The following MACROH2A1 variants were observed in gnomAD, a reference collection of about 807,000 sequenced individuals.
MACROH2A1 encodes the protein macroH2A.1 histone.
Under a neutral mutation model 31.6 loss-of-function variants are expected in MACROH2A1, and 2 were observed. The observed-to-expected ratio is 0.06, with a 90% CI of 0.03 to 0.20. MACROH2A1 has a LOEUF of 0.20. Among genes scored for constraint, MACROH2A1 ranks in the 10% least tolerant of loss-of-function variants. The pLI is 1.00. For synonymous variants in MACROH2A1, 169 were observed against 189.6 expected (o/e 0.89, Z 0.89); for missense variants, 230 against 474.0 (o/e 0.49, Z 4.78).
intron 7 of MACROH2A1, chr5:135,344,944 C>G (rs1222735273): frequency 1.3e-5 from 2 of 152,206 alleles, no homozygotes; most frequent in African/African-American, 2.4e-5. Context: ...GGGAAAGGAC[C>G]CACAGGCTGG....
chr5:135,366,853 G>A (rs999875290), intron 4 of MACROH2A1, among the ~76,000 whole-genome samples: 1 of 152,152 alleles, frequency 6.6e-6, no homozygotes, highest in African/African-American at 2.4e-5. Context: ...ATAGATGGAG[G>A]TAAATTGAGG....
chr5:135,334,747 G>T lies in MACROH2A1; in HGVS notation c.*229C>A. ...TCCTAGGTTACACTAAGTCAGACAC[G>T]GTCTGGAACACAGTGCTTAACAACA... On this transcript the variant is annotated 3_prime_UTR_variant, in exon 9 of 9. Coordinates refer to ENST00000511689, the MANE Select transcript of MACROH2A1 (RefSeq NM_138610.3). 1 of 455,116 alleles carries T rather than the reference G, an allele frequency of 2.2e-6. No homozygotes were observed. The allele number at this position is 455,116 out of a possible 1,614,324, so 28.2% of individuals were successfully genotyped here.
At chr5:135,387,528 T>C (rs71587571) in intron 2 of MACROH2A1, among the ~76,000 whole-genome samples, 4,022 of 152,308 alleles carry the variant, frequency 0.026, 75 homozygotes, top group Admixed American at 0.049. Flanking sequence ...TCGTCCTTTC[T>C]GGCTGTAGCA....
rs544609775 is a variant in MACROH2A1, at chr5:135,353,228, G to A, written c.589-183C>T. ...AAGACTCAAATGCTGCTCGGGATGC[G>A]GGAGCAAGCAAACTAGGATGAATGT... On this transcript the variant is annotated intron_variant, in intron 5 of 8. Coordinates refer to ENST00000511689, the MANE Select transcript of MACROH2A1 (RefSeq NM_138610.3). The A allele has an allele frequency of 7.5e-5, 42 of 563,018 alleles. No homozygotes were observed. The Admixed American group carries it at 8.9e-4, about 12-fold the overall frequency. 34.9% of individuals were successfully genotyped at this position (563,018 alleles called of 1,614,324 possible).
At chr5:135,383,365 G>T (rs1765916384) in intron 2 of MACROH2A1, among the ~76,000 whole-genome samples, 2 of 152,136 alleles carry the variant, frequency 1.3e-5, no homozygotes, top group Admixed American at 1.3e-4. Context: ...ATTAGACTAA[G>T]GTCTGTCTTT....
rs1762704964 is a variant in MACROH2A1 at position 135,360,519 on chromosome 5, T to C, written c.566A>G (p.Lys189Arg). The C allele has an allele frequency of 6.2e-7, 1 of 1,613,040 alleles. No individual in the cohort carries two copies. The highest frequency in any genetic ancestry group is 2.2e-5 in the East Asian group (1 of 44,876). Residue 189 changes from lysine to arginine, a missense_variant, in exon 5 of 9, where the codon AAG becomes AGG. By Grantham distance (26) the Lys-to-Arg change is conservative. This residue lies in a region of MACROH2A1 where 183 missense variants were observed against 319.3 expected (regional missense o/e 0.57). Transcript: ENST00000511689. ...TACCTTCTGGCCAAGGAAGAGGCTC[T>C]TGGTGGAGAGGACTGTGAAGCCGTC... The part of the protein sequence containing the change: ...PADGFTVLST[K>R]SLFLGQKLNL...
intron 2 of MACROH2A1, among the ~76,000 whole-genome samples, chr5:135,384,251 G>A (rs1246109804): frequency 6.6e-6 from 1 of 152,180 alleles, no homozygotes; most frequent in Non-Finnish European, 1.5e-5. Flanking sequence ...GCAGGGATGG[G>A]TTGTGGCCCT....
At chr5:135,360,645 GAC>G in intron 4 of MACROH2A1, 38 bp from the exon 5 acceptor site, 1 of 1,397,744 alleles carries the variant, frequency 7.2e-7, no homozygotes, top group Non-Finnish European at 1.0e-6. Flanking sequence ...GGGCCACACA[GAC>G]ACAGGCATCC....
intron 4 of MACROH2A1, among the ~76,000 whole-genome samples, chr5:135,364,538 G>C (rs1763249573): frequency 6.6e-6 from 1 of 152,228 alleles, no homozygotes; most frequent in Non-Finnish European, 1.5e-5. Flanking sequence ...GCTCCAGAAA[G>C]ACTGTTATAA....
At chr5:135,371,828 T>C (rs955160204) in intron 2 of MACROH2A1, among the ~76,000 whole-genome samples, 1 of 152,206 alleles carries the variant, frequency 6.6e-6, no homozygotes. Context: ...AAACACTAGA[T>C]TTCTCCAGCA....
At chr5:135,357,959 A>G in intron 5 of MACROH2A1, 1 of 985,184 alleles carries the variant, frequency 1.0e-6, no homozygotes, top group Middle Eastern at 5.2e-4. Context: ...CTTGCTTGCA[A>G]TCTTCAAGCA....
At chr5:135,343,172 T>C (rs779904927) in intron 8 of MACROH2A1, 88 bp downstream of exon 8, 2 of 1,602,150 alleles carry the variant, frequency 1.2e-6, no homozygotes, top group Non-Finnish European at 1.7e-6. Flanking sequence ...CCGTGGGCCT[T>C]GCACAGAGTG....
chr5:135,398,733 GCCC>G lies in MACROH2A1; in HGVS notation c.-34+326_-34+328del, dbSNP rs1561688313. On this transcript the variant is annotated intron_variant, in intron 1 of 8. Coordinates refer to ENST00000511689, the MANE Select transcript of MACROH2A1 (RefSeq NM_138610.3). The surrounding 1 kb of genome is among the most constrained non-coding windows in gnomAD (Gnocchi z 4.6). ...GGCCTCGGGCCTGGCCCGTGAGCCC[GCCC>G]CAGGAAGGGTCGCCAGGGTAGGCGC... Among the ~76,000 whole-genome samples the G allele has an allele frequency of 6.6e-6, 1 of 152,198 alleles. No individual in the cohort carries two copies. Among genetic ancestry groups the G allele is most frequent in the East Asian group, 1.9e-4 (1 of 5,158 alleles).
chr5:135,355,170 C>T lies in MACROH2A1; in HGVS notation c.589-2125G>A, dbSNP rs916653117. On this transcript the variant is annotated intron_variant, in intron 5 of 8. Coordinates refer to ENST00000511689, the MANE Select transcript of MACROH2A1 (RefSeq NM_138610.3). ...GTATCTGACTCTCTTCGCGGGAGAA[C>T]CACCTGCTCTGTCTAGGGGAATGGG... 11 of 456,050 alleles carry T rather than the reference C, an allele frequency of 2.4e-5. No homozygotes were observed. The Admixed American group carries it at 2.6e-4, about 11-fold the overall frequency. 28.3% of individuals were successfully genotyped at this position (456,050 alleles called of 1,614,324 possible).
At chr5:135,385,117 T>C (rs1766211694) in intron 2 of MACROH2A1, among the ~76,000 whole-genome samples, 1 of 152,218 alleles carries the variant, frequency 6.6e-6, no homozygotes, top group African/African-American at 2.4e-5. Context: ...CTACTTCAAA[T>C]GGGCCTCCAT....
chr5:135,380,979 A>C (rs1465352386), intron 2 of MACROH2A1, among the ~76,000 whole-genome samples: 1 of 152,232 alleles, frequency 6.6e-6, no homozygotes, highest in African/African-American at 2.4e-5. Context: ...AAGTTCAACA[A>C]AAGTAAAAAG....
chr5:135,337,164 G>T (rs1361912480), intron 8 of MACROH2A1, among the ~76,000 whole-genome samples: 1 of 152,266 alleles, frequency 6.6e-6, no homozygotes, highest in Non-Finnish European at 1.5e-5. Flanking sequence ...AGCTGGGCTG[G>T]GCTGAGGGCC....
chr5:135,370,195 GC>G, intron 2 of MACROH2A1, 53 bp from the exon 3 acceptor site: 1 of 1,132,508 alleles, frequency 8.8e-7, no homozygotes, highest in South Asian at 1.4e-5. Flanking sequence ...ATGTGTCCCC[GC>G]CCCGGTCCCC....
chr5:135,334,948 G>A lies in MACROH2A1; in HGVS notation c.*28C>T. On this transcript the variant is annotated 3_prime_UTR_variant, in exon 9 of 9. Transcript: ENST00000511689. ...CTTTTAAACTGAAGGTGGGGTACAT[G>A]GTGCAGCTGGTTCTGTCATTGCTCA... The A allele has an allele frequency of 5.7e-6, 9 of 1,589,810 alleles. No individual in the cohort carries two copies. The highest frequency in any genetic ancestry group is 1.3e-5 in the African/African-American group (1 of 74,520).
Sources: gnomAD v4.1 joint callset for allele counts (sites outside exome capture counted in the v4.1 genomes callset) on GRCh38, gnomAD v4.1.1 for gene constraint, gnomAD v4.1.1 regional missense constraint, Gnocchi (gnomAD v3.1) non-coding constraint, MANE v1.5 for transcripts, NCBI Gene and HGNC (gene_info 2026-07-23, HGNC 2026-07-21) for gene names.